IRAG2: variants seen among roughly 807,000 people sequenced by gnomAD.
IRAG2 encodes the protein lymphoid restricted membrane protein.
In IRAG2, 45 loss-of-function variants were observed where a neutral mutation model predicts 69.9. The ratio of observed to expected loss-of-function variants is 0.64; its 90% CI spans 0.51 to 0.83. IRAG2 has a LOEUF of 0.83. Ranked by LOEUF, IRAG2 falls within the 40% of genes least tolerant of loss-of-function variation. The probability of loss-of-function intolerance (pLI) is 0.00; values close to 1 mark genes in which losing one functional copy is unlikely to be tolerated. For missense variants in IRAG2, 520 were observed against 587.0 expected, an observed-to-expected ratio of 0.89 and a Z score of 1.18; for synonymous variants, 193 against 202.4, an observed-to-expected ratio of 0.95 and a Z score of 0.40.
At chr12:25,069,489 T>C in intron 6 of IRAG2, 58 bp downstream of exon 6, 1 of 1,400,826 alleles carries the variant, frequency 7.1e-7, no homozygotes, top group Non-Finnish European at 1.0e-6. Context: ...CTGTTCTTCT[T>C]CTATGGGTAT....
chr12:24,998,423 A>T, the IRAG2 span, among the ~76,000 whole-genome samples: 18 of 152,354 alleles, frequency 1.2e-4, no homozygotes, highest in East Asian at 3.5e-3. Flanking sequence ...TAGAAACGGC[A>T]GGAAGAAGTG....
At chr12:25,033,901 G>C (rs1944687275) in exon 13 of IRAG2, 6 of 398,868 alleles carry the variant, frequency 1.5e-5, no homozygotes, top group Admixed American at 4.4e-5. Flanking sequence ...ATCTCTGAAG[G>C]AGAAAAGTCT....
chr12:25,066,173 T>A (rs1393860612), intron 4 of IRAG2, among the ~76,000 whole-genome samples, 192 bp from the exon 5 acceptor site: 1 of 152,030 alleles, frequency 6.6e-6, no homozygotes, highest in Non-Finnish European at 1.5e-5. Flanking sequence ...CATTCCCAAA[T>A]GCTTTGTTAA....
intron 11 of IRAG2, 148 bp downstream of exon 11, chr12:25,088,305 T>C (rs1234111894): frequency 1.5e-6 from 1 of 662,430 alleles, no homozygotes; most frequent in African/African-American, 1.8e-5. Context: ...TTGATTCCAT[T>C]TGTGTCATTT....
Position 25,056,103 on chromosome 12 carries a change from A to G in IRAG2, c.-447+3147A>G, listed in dbSNP as rs140215369. Among the ~76,000 whole-genome samples the G allele has an allele frequency of 9.2e-5, 14 of 152,304 alleles. No homozygotes were observed. In the East Asian group the frequency reaches 2.5e-3, roughly 27 times the overall value. Reference sequence around the variant, plus strand: ...TTTAGAGGAGACTTTCACCTAGATAATATCACTGCAAACACTCTTTTAGCT... The same window carrying G: ...TTTAGAGGAGACTTTCACCTAGATAGTATCACTGCAAACACTCTTTTAGCT... On this transcript the variant is annotated intron_variant, in intron 1 of 21. Coordinates refer to ENST00000556887, the MANE Select transcript of IRAG2 (RefSeq NM_001366544.2).
At chr12:25,099,912 C>T (rs1200220790) in intron 15 of IRAG2, among the ~76,000 whole-genome samples, 1 of 145,824 alleles carries the variant, frequency 6.9e-6, no homozygotes, top group African/African-American at 2.5e-5. Context: ...AGGCAGGAGA[C>T]TCACTTGAAC....
At chr12:25,061,919 T>G (rs2139972239) in intron 2 of IRAG2, among the ~76,000 whole-genome samples, 1 of 152,322 alleles carries the variant, frequency 6.6e-6, no homozygotes, top group Middle Eastern at 3.4e-3. Flanking sequence ...CACCACTATA[T>G]CTATTAGCGA....
chr12:25,054,590 A>T (rs1327995636), intron 1 of IRAG2, among the ~76,000 whole-genome samples: 5 of 152,186 alleles, frequency 3.3e-5, no homozygotes, highest in African/African-American at 9.7e-5. Flanking sequence ...TACACTTAAA[A>T]GCAGAATATG....
chr12:25,043,686 G>A (rs1944769119), intron 16 of IRAG2, among the ~76,000 whole-genome samples: 1 of 152,192 alleles, frequency 6.6e-6, no homozygotes, highest in African/African-American at 2.4e-5. Context: ...TTGGATTAGT[G>A]TGAGTGTTTG....
At chr12:25,089,434 A>T (rs944227879) in intron 11 of IRAG2, among the ~76,000 whole-genome samples, 180 bp from the exon 12 acceptor site, 3 of 152,234 alleles carry the variant, frequency 2.0e-5, no homozygotes, top group Non-Finnish European at 4.4e-5. Flanking sequence ...TTGTAATGGC[A>T]TTGTGATCCC....
intron 1 of IRAG2, among the ~76,000 whole-genome samples, chr12:25,058,850 G>C (rs906114169): frequency 1.3e-5 from 2 of 152,160 alleles, no homozygotes; most frequent in African/African-American, 4.8e-5. Context: ...ATTTGTTCTA[G>C]AGGCATTACA....
At chr12:25,079,553 G>T in intron 8 of IRAG2, 91 bp downstream of exon 8, 1 of 1,330,734 alleles carries the variant, frequency 7.5e-7, no homozygotes. Flanking sequence ...GTGAGCAAAT[G>T]AGAAGAACAT....
Position 25,079,754 on chromosome 12 carries a change from G to C in IRAG2, c.235G>C (p.Glu79Gln). ...EDTRSASPTI[E>Q]AQGTSPAHDN... is the part of the protein sequence containing the mutation. ...TACAAGATCAGCTTCTCCCACGATA[G>C]AGGCCCAAGGTAAAATGTTGACAGG... Residue 79 changes from glutamate to glutamine, a missense_variant, in exon 9 of 22, where the codon GAG becomes CAG. Glu to Gln is a conservative substitution (Grantham distance 29, BLOSUM62 2). Coordinates refer to ENST00000556887, the MANE Select transcript of IRAG2 (RefSeq NM_001366544.2). 2 of 1,610,518 alleles carry C rather than the reference G, an allele frequency of 1.2e-6. No individual in the cohort carries two copies. The highest frequency in any genetic ancestry group is 1.7e-6 in the Non-Finnish European group (2 of 1,176,740).
At chr12:25,096,532 C>T (rs899652123) in intron 14 of IRAG2, among the ~76,000 whole-genome samples, 7 of 152,146 alleles carry the variant, frequency 4.6e-5, no homozygotes, top group Admixed American at 6.5e-5. Context: ...TGTTTGGTTA[C>T]GTTTCTTAAA....
intron 3 of IRAG2, among the ~76,000 whole-genome samples, chr12:25,012,442 A>G (rs1306343927): frequency 6.6e-6 from 1 of 150,952 alleles, no homozygotes; most frequent in African/African-American, 2.4e-5. Context: ...GGTGTGAGCC[A>G]CCCACTGCAC....
rs984984969 is a variant in IRAG2, at chr12:25,017,198, GA to G, written c.1124del (p.Asn375IlefsTer8). 1 of 1,231,926 alleles carries G rather than the reference GA, an allele frequency of 8.1e-7. No individual in the cohort carries two copies. The highest frequency in any genetic ancestry group is 1.0e-6 in the Non-Finnish European group (1 of 987,910). The allele number at this position is 1,231,926 out of a possible 1,614,324, so 76.3% of individuals were successfully genotyped here. ...TTTCAACAAAAGAAAACTTGAGGAA[GA>G]AAATAATAAGTTTAAGTTGGCTTTA... On this transcript the variant is annotated frameshift_variant, in exon 6 of 39. Coordinates refer to the IRAG2 transcript ENST00000636465. LOFTEE classifies it high-confidence loss of function.
rs748322522 is a variant in IRAG2 at position 25,079,444 on chromosome 12, G to C, written c.118G>C (p.Gly40Arg). The C allele has an allele frequency of 3.1e-6, 5 of 1,612,868 alleles. No homozygotes were observed. Among genetic ancestry groups the C allele is most frequent in the African/African-American group, 1.3e-5 (1 of 74,854 alleles). Residue 40 changes from glycine to arginine, a missense_variant, in exon 8 of 22, where the codon GGT (glycine) becomes CGT (arginine). By Grantham distance (125) the Gly-to-Arg change is moderately radical (BLOSUM62 -2). Transcript: ENST00000556887. ...PLPRHTSSTDGTITSSDPGLE... is the reference protein window; with the variant it reads ...PLPRHTSSTDRTITSSDPGLE... ...ACCCAGACACACTTCATCGACAGAC[G>C]GTACTATAACTTCAAGTGGTAAGTG...
intron 15 of IRAG2, 81 bp from the exon 16 acceptor site, chr12:25,101,097 G>A: frequency 8.2e-7 from 1 of 1,221,986 alleles, no homozygotes; most frequent in Non-Finnish European, 1.1e-6. Flanking sequence ...GGAATGGAGT[G>A]AAGGTAAATG....
intron 7 of IRAG2, chr12:25,021,091 C>CTTTTTT (rs71063389): frequency 7.1e-5 from 19 of 265,990 alleles, no homozygotes; most frequent in South Asian, 1.8e-4. Context: ...TCTTTCTTTT[C>CTTTTTT]TTTTTTTTTT....
Sources: gnomAD v4.1 joint callset for allele counts (sites outside exome capture counted in the v4.1 genomes callset) on GRCh38, gnomAD v4.1.1 for gene constraint, MANE v1.5 for transcripts, NCBI Gene and HGNC (gene_info 2026-07-23, HGNC 2026-07-21) for gene names.